ZNF229: variants seen among roughly 807,000 people sequenced by gnomAD.
ZNF229 encodes the protein zinc finger protein 229.
A neutral mutation model predicts 11.8 loss-of-function variants in ZNF229; 10 were observed. That is an observed-to-expected ratio of 0.85 (90% CI 0.52 to 1.44). ZNF229 has a LOEUF of 1.44. Ranked by LOEUF, ZNF229 falls within the 40% of genes most tolerant of loss-of-function variation. The pLI is 0.00. For synonymous variants in ZNF229, 368 were observed against 374.8 expected, an observed-to-expected ratio of 0.98 and a Z score of 0.21; for missense variants, 1,045 against 1,015.1, an observed-to-expected ratio of 1.03 and a Z score of -0.40.
In ZNF229 at chr19:44,426,271, A is replaced by G. The variant is rs537822019; in HGVS notation, c.*2032T>C. 2 of 152,310 alleles carry G rather than the reference A, an allele frequency of 1.3e-5. No individual in the cohort carries two copies. The highest frequency in any genetic ancestry group is 4.1e-4 in the South Asian group (2 of 4,830). 9.4% of individuals were successfully genotyped at this position (152,310 alleles called of 1,614,324 possible). Reference sequence around the variant, plus strand: ...AAAAGTTATAGAGGTTACAACATGAATCTTTAATCATAAGGGATTGTTCCA... The same window carrying G: ...AAAAGTTATAGAGGTTACAACATGAGTCTTTAATCATAAGGGATTGTTCCA... On this transcript the variant is annotated 3_prime_UTR_variant, in exon 6 of 6. Coordinates refer to ENST00000614049, the MANE Select transcript of ZNF229 (RefSeq NM_014518.4).
Position 44,429,197 on chromosome 19 carries a change from G to A in ZNF229, c.1584C>T (p.Tyr528=). The change falls in exon 6 of 6, where the codon TAC becomes TAT. Residue 528 remains tyrosine (Y), a synonymous_variant. Transcript: ENST00000614049. ...KCNVCGKSFS[Y]SSGLLMHQRL... is the part of the protein sequence containing the mutation. ...TCTGATGCATGAGAAGCCCTGAGCT[G>A]TAACTGAAACTCTTACCACACACGT... The A allele has an allele frequency of 6.2e-7, 1 of 1,614,088 alleles. No homozygotes were observed. The highest frequency in any genetic ancestry group is 1.6e-4 in the Middle Eastern group (1 of 6,062).
intron 4 of ZNF229, among the ~76,000 whole-genome samples, chr19:44,435,456 C>T (rs1971796126): frequency 6.6e-6 from 1 of 152,136 alleles, no homozygotes; most frequent in African/African-American, 2.4e-5. Context: ...AGAGTCCTTT[C>T]CTACTGAAGT....
At chr19:44,431,730 T>C in intron 5 of ZNF229, 42 of 985,618 alleles carry the variant, frequency 4.3e-5, no homozygotes, top group Non-Finnish European at 5.1e-5. Flanking sequence ...CCAGCAAGGC[T>C]CTTGTCTCCA....
At chr19:44,448,132 G>A (rs1255332868) in intron 1 of ZNF229, among the ~76,000 whole-genome samples, 177 bp downstream of exon 1, 2 of 152,200 alleles carry the variant, frequency 1.3e-5, no homozygotes, top group Non-Finnish European at 2.9e-5. Context: ...GAAAATTCAT[G>A]TCATCGATCC....
At chr19:44,437,738 C>T (rs1971838521) in intron 4 of ZNF229, among the ~76,000 whole-genome samples, 1 of 152,034 alleles carries the variant, frequency 6.6e-6, no homozygotes, top group Non-Finnish European at 1.5e-5. Context: ...CAACAGTAGA[C>T]TAGATAAATA....
intron 4 of ZNF229, among the ~76,000 whole-genome samples, chr19:44,433,302 C>T (rs568581738): frequency 6.6e-6 from 1 of 152,214 alleles, no homozygotes; most frequent in East Asian, 1.9e-4. Context: ...AGTGATTCTA[C>T]CATCTTAGCC....
chr19:44,429,519 TGAA>T lies in ZNF229; in HGVS notation c.1259_1261del (p.Leu420del). 6.2e-7 allele frequency: 1 copy of T among 1,611,794 alleles called. No individual in the cohort carries two copies. The highest frequency in any genetic ancestry group is 8.5e-7 in the Non-Finnish European group (1 of 1,178,428). ...CCCTGTGTGCAGCCTCTGATGGACTTGAAGCACTGAGCTGTAACTGAAGCCCTT... is the reference window on the plus strand; with the variant it reads ...CCCTGTGTGCAGCCTCTGATGGACTTGCACTGAGCTGTAACTGAAGCCCTT... On this transcript the variant is annotated inframe_deletion, in exon 6 of 6. Transcript: ENST00000614049.
chr19:44,429,525 A>G lies in ZNF229; in HGVS notation c.1256T>C (p.Val419Ala), dbSNP rs778578425. The G allele has an allele frequency of 1.9e-6, 3 of 1,610,000 alleles. No individual in the cohort carries two copies. The highest frequency in any genetic ancestry group is 2.5e-6 in the Non-Finnish European group (3 of 1,177,834). ...ECGKGFSYSSVLQVHQRLHTG... is the reference protein window; with the variant it reads ...ECGKGFSYSSALQVHQRLHTG... ...GTGCAGCCTCTGATGGACTTGAAGC[A>G]CTGAGCTGTAACTGAAGCCCTTCCC... Residue 419 changes from valine (V) to alanine (A), a missense_variant, in exon 6 of 6, where the codon GTG (valine) becomes GCG (alanine). Val to Ala is a moderately conservative substitution (Grantham distance 64). Transcript: ENST00000614049.
intron 1 of ZNF229, 64 bp downstream of exon 1, chr19:44,448,245 G>C (rs887743839): frequency 6.6e-6 from 1 of 152,222 alleles, no homozygotes; most frequent in African/African-American, 2.4e-5. Flanking sequence ...CTGCCGACCC[G>C]GGCCCACCCC....
intron 5 of ZNF229, chr19:44,431,825 T>C (rs1368270875): frequency 1.2e-5 from 12 of 989,038 alleles, no homozygotes; most frequent in African/African-American, 5.2e-5. Context: ...AAAATTCCTA[T>C]GTTGAAATCC....
In ZNF229 at chr19:44,432,288, G is replaced by C. The variant is rs1600015297; in HGVS notation, c.172C>G (p.Leu58Val). The change falls in exon 5 of 6, where the codon CTG becomes GTG. Residue 58 changes from leucine to valine, a missense_variant. Coordinates refer to ENST00000614049, the MANE Select transcript of ZNF229 (RefSeq NM_014518.4). ...TTCTCCTGCATCACATCTTGGTACA[G>C]CTGCCTCTGGGTAGAGTCCAGCAGC... ...LELLDSTQRQ[L>V]YQDVMQENFR... 6.2e-7 allele frequency: 1 copy of C among 1,613,900 alleles called. No individual in the cohort carries two copies. The highest frequency in any genetic ancestry group is 8.5e-7 in the Non-Finnish European group (1 of 1,179,986).
In ZNF229 at chr19:44,427,452, T is replaced by C. The variant is rs555144645; in HGVS notation, c.*851A>G. 2 of 151,574 alleles carry C rather than the reference T, an allele frequency of 1.3e-5. No individual in the cohort carries two copies. Among genetic ancestry groups the C allele is most frequent in the African/African-American group, 4.9e-5 (2 of 41,202 alleles). The allele number at this position is 151,574 out of a possible 1,614,324, so 9.4% of individuals were successfully genotyped here. On this transcript the variant is annotated 3_prime_UTR_variant, in exon 6 of 6. Transcript: ENST00000614049. ...ATGACTCAGAACCTATTTTTAACCA[T>C]CTCTAAGAAATATTACTGAGGGACC...
intron 4 of ZNF229, among the ~76,000 whole-genome samples, chr19:44,438,903 A>G (rs983402143): frequency 3.3e-5 from 5 of 152,204 alleles, no homozygotes; most frequent in Middle Eastern, 3.2e-3. Flanking sequence ...ACCAGTAAAC[A>G]TAAGTGTTTC....
At position 44,426,604 on chromosome 19, in the gene ZNF229, T is replaced by G. The variant is rs1971576249; in HGVS notation, c.*1699A>C. ...TGTGCCTGAAGATTTCTAGTGGCTTTCCATTGCATACATATGCCTGAACTT... is the reference window on the plus strand; with the variant it reads ...TGTGCCTGAAGATTTCTAGTGGCTTGCCATTGCATACATATGCCTGAACTT... On this transcript the variant is annotated 3_prime_UTR_variant, in exon 6 of 6. Transcript: ENST00000614049. The G allele has an allele frequency of 6.6e-6, 1 of 152,202 alleles. No individual in the cohort carries two copies. The highest frequency in any genetic ancestry group is 2.1e-4 in the South Asian group (1 of 4,830). The allele number at this position is 152,202 out of a possible 1,614,324, so 9.4% of individuals were successfully genotyped here. A position where few individuals can be genotyped will look rare whatever the true frequency, so the allele number is the denominator to read the frequency against.
At chr19:44,444,207 A>G (rs985393587) in intron 2 of ZNF229, among the ~76,000 whole-genome samples, 19 of 152,200 alleles carry the variant, frequency 1.2e-4, no homozygotes, top group Non-Finnish European at 2.4e-4. Flanking sequence ...GACAGTGGAC[A>G]TGAGTTTCCA....
rs368353248 is a variant in ZNF229 at position 44,430,203 on chromosome 19, A to G, written c.578T>C (p.Val193Ala). 25 of 1,613,974 alleles carry G rather than the reference A, an allele frequency of 1.5e-5. No homozygotes were observed. Among genetic ancestry groups the G allele is most frequent in the African/African-American group, 2.7e-5 (2 of 74,842 alleles). Residue 193 changes from valine to alanine, a missense_variant, in exon 6 of 6, where the codon GTG becomes GCG. By Grantham distance (64) the Val-to-Ala change is moderately conservative (BLOSUM62 0). Transcript: ENST00000614049. ...TTCTTGAACATCCCCTAACTGGTTC[A>G]CAAACGCTTTTGCCCAAGATCCTTG... ...PIQGSWAKAF[V>A]NQLGDVQERC...
chr19:44,428,607 G>A lies in ZNF229; in HGVS notation c.2174C>T (p.Ser725Leu). 2 of 1,613,966 alleles carry A rather than the reference G, an allele frequency of 1.2e-6. No homozygotes were observed. Among genetic ancestry groups the A allele is most frequent in the South Asian group, 1.1e-5 (1 of 91,072 alleles). The part of the protein sequence containing the change: ...CECGKGFRYG[S>L]GLLSHKRVHT... ...CACTCTCTTATGACTAAGGAGACCT[G>A]AGCCATATCTGAAACCCTTCCCACA... The change falls in exon 6 of 6, where the codon TCA (serine) becomes TTA (leucine). Residue 725 changes from serine (S) to leucine (L), a missense_variant. Physicochemically the swap from Ser to Leu is moderately radical, Grantham distance 145. Coordinates refer to ENST00000614049, the MANE Select transcript of ZNF229 (RefSeq NM_014518.4).
chr19:44,447,092 G>A (rs1972015932), intron 2 of ZNF229, among the ~76,000 whole-genome samples: 1 of 152,174 alleles, frequency 6.6e-6, no homozygotes, highest in African/African-American at 2.4e-5. Context: ...TCTGTGACAT[G>A]GGGATAATAG....
Position 44,429,989 on chromosome 19 carries a change from G to T in ZNF229, c.792C>A (p.Gly264=), listed in dbSNP as rs1237078025. The T allele has an allele frequency of 1.2e-6, 2 of 1,613,934 alleles. No individual in the cohort carries two copies. The highest frequency in any genetic ancestry group is 8.5e-7 in the Non-Finnish European group (1 of 1,179,864). Residue 264 remains glycine (G), a synonymous_variant, in exon 6 of 6, where the codon GGC becomes GGA. Coordinates refer to ENST00000614049, the MANE Select transcript of ZNF229 (RefSeq NM_014518.4). ...VLHRINPGEN[G]LKSNEYRNGF... is the part of the protein sequence containing the mutation. ...CATTTCTGTATTCGTTACTTTTCAAGCCATTCTCTCCAGGGTTAATGCGAT... is the reference window on the plus strand; with the variant it reads ...CATTTCTGTATTCGTTACTTTTCAATCCATTCTCTCCAGGGTTAATGCGAT...
Sources: gnomAD v4.1 joint callset for allele counts (sites outside exome capture counted in the v4.1 genomes callset) on GRCh38, gnomAD v4.1.1 for gene constraint, MANE v1.5 for transcripts, NCBI Gene and HGNC (gene_info 2026-07-23, HGNC 2026-07-21) for gene names.